ARIH2: variants seen among roughly 807,000 people sequenced by gnomAD.
ARIH2 encodes the protein E3 ubiquitin-protein ligase ARIH2.
Under a neutral mutation model 79.8 loss-of-function variants are expected in ARIH2, and 12 were observed. That is an observed-to-expected ratio of 0.15 (90% CI 0.10 to 0.24). The LOEUF is 0.24. Ranked by LOEUF, ARIH2 falls within the 10% of genes least tolerant of loss-of-function variation. The pLI is 1.00. For synonymous variants in ARIH2, 224 were observed against 213.9 expected, an observed-to-expected ratio of 1.05 and a Z score of -0.41; for missense variants, 301 against 618.3, an observed-to-expected ratio of 0.49 and a Z score of 5.44.
chr3:48,952,351 T>C (rs920445886), intron 3 of ARIH2, among the ~76,000 whole-genome samples: 2 of 152,190 alleles, frequency 1.3e-5, no homozygotes, highest in Admixed American at 6.6e-5. Context: ...GACTCTCTTC[T>C]ACTAAGGCAT....
intron 13 of ARIH2, among the ~76,000 whole-genome samples, chr3:48,980,858 T>C (rs2092718756): frequency 6.8e-6 from 1 of 146,320 alleles, no homozygotes; most frequent in African/African-American, 2.5e-5. Flanking sequence ...CTGTCTCTAA[T>C]AAAAATACAA....
intron 3 of ARIH2, among the ~76,000 whole-genome samples, chr3:48,941,505 G>A (rs1022910284): frequency 3.9e-5 from 6 of 152,070 alleles, no homozygotes; most frequent in Non-Finnish European, 5.9e-5. Context: ...GGTGGTGGTA[G>A]TGGTAAAAAG....
chr3:48,933,217 G>T (rs2086614121), intron 3 of ARIH2, among the ~76,000 whole-genome samples: 1 of 147,816 alleles, frequency 6.8e-6, no homozygotes. Flanking sequence ...GGGACCACAG[G>T]TGCGCACCAC....
At chr3:48,962,118 TG>T (rs2091333000) in intron 4 of ARIH2, among the ~76,000 whole-genome samples, 1 of 152,178 alleles carries the variant, frequency 6.6e-6, no homozygotes, top group South Asian at 2.1e-4. Flanking sequence ...GGCTCATGCC[TG>T]TAATCTCAGC....
At chr3:48,937,014 C>A (rs1361015862) in intron 3 of ARIH2, among the ~76,000 whole-genome samples, 1 of 151,704 alleles carries the variant, frequency 6.6e-6, no homozygotes, top group African/African-American at 2.4e-5. Context: ...GGCAACACAG[C>A]GAGACTCCGT....
Position 48,919,015 on chromosome 3 carries a change from C to A in ARIH2, c.-162+17C>A. On this transcript the variant is annotated intron_variant, in intron 1 of 15. Coordinates refer to ENST00000356401, the MANE Select transcript of ARIH2 (RefSeq NM_006321.4). ...CAGCTCCCGGTAAGTGCGCGGCGCA[C>A]GTCACGGCCTTGTTTACCTTGGCTG... 1.4e-6 allele frequency: 2 copies of A among 1,428,216 alleles called. No homozygotes were observed. The highest frequency in any genetic ancestry group is 2.6e-5 in the East Asian group (1 of 38,782). 88.5% of individuals were successfully genotyped at this position (1,428,216 alleles called of 1,614,324 possible).
Position 48,980,409 on chromosome 3 carries a change from C to A in ARIH2, c.1170C>A (p.His390Gln), listed in dbSNP as rs751218573. 1 of 1,614,084 alleles carries A rather than the reference C, an allele frequency of 6.2e-7. No individual in the cohort carries two copies. Among genetic ancestry groups the A allele is most frequent in the Non-Finnish European group, 8.5e-7 (1 of 1,180,020 alleles). Reference protein sequence around the residue: ...QLEAQTYQRIHEKIQERVMNN... With the variant: ...QLEAQTYQRIQEKIQERVMNN... ...AGGCACAGACATACCAGCGGATTCA[C>A]GAGAAGATTCAGGAGAGGGTCATGA... Residue 390 changes from histidine to glutamine, a missense_variant, in exon 13 of 16, where the codon CAC becomes CAA. By Grantham distance (24) the His-to-Gln change is conservative. Around this residue, in one of 2 missense-constraint regions of ARIH2, gnomAD observed 78 missense variants for 268.9 expected, o/e 0.29. Transcript: ENST00000356401.
At chr3:48,933,904 A>G (rs947562930) in intron 3 of ARIH2, among the ~76,000 whole-genome samples, 9 of 152,168 alleles carry the variant, frequency 5.9e-5, no homozygotes, top group Non-Finnish European at 1.0e-4. Context: ...AAATATGCCA[A>G]TTATCACAAA....
intron 7 of ARIH2, among the ~76,000 whole-genome samples, chr3:48,969,970 A>T (rs1417819485): frequency 6.7e-6 from 1 of 149,874 alleles, no homozygotes; most frequent in Non-Finnish European, 1.5e-5. Flanking sequence ...AGCTCAATGC[A>T]ACCTCTATCT....
At chr3:48,964,793 G>A (rs2091613356) in intron 4 of ARIH2, 126 bp from the exon 5 acceptor site, 1 of 657,248 alleles carries the variant, frequency 1.5e-6, no homozygotes, top group Non-Finnish European at 2.6e-6. Context: ...GAGATAAAAG[G>A]AAGCTTAGTT....
chr3:48,925,418 C>CT (rs34604342), intron 2 of ARIH2, among the ~76,000 whole-genome samples: 47 of 145,408 alleles, frequency 3.2e-4, no homozygotes, highest in African/African-American at 6.1e-4. Context: ...CAGCTGATTT[C>CT]TTTTTTTTTT....
intron 1 of ARIH2, 98 bp downstream of exon 1, chr3:48,919,096 GCCGTCGCCCGGGAGGCCCGGGCGCTCC>G (rs542334811): frequency 2.8e-5 from 36 of 1,274,004 alleles, no homozygotes; most frequent in Non-Finnish European, 3.5e-5. Context: ...CTCCGCCTTC[GCCGTCGCCCGGGAGGCCCGGGCGCTCC>G]CCGTCGCCGG....
intron 3 of ARIH2, among the ~76,000 whole-genome samples, chr3:48,940,553 G>A (rs2087960324): frequency 1.3e-5 from 2 of 151,808 alleles, no homozygotes; most frequent in South Asian, 4.2e-4. Flanking sequence ...AGAGGAACAT[G>A]GATTGTGAAG....
At chr3:48,940,794 C>CA (rs761364123) in intron 3 of ARIH2, among the ~76,000 whole-genome samples, 2,783 of 68,344 alleles carry the variant, frequency 0.041, 75 homozygotes, top group Middle Eastern at 0.098. Flanking sequence ...GACTCCGTCT[C>CA]AAAAAAAAAA....
rs1203913576 is a variant in ARIH2, at chr3:48,969,239, A to T, written c.660+584A>T. 6.3e-4 allele frequency among the ~76,000 whole-genome samples: 90 copies of T among 143,766 alleles called. 2 individuals carry two copies. Among genetic ancestry groups the T allele is most frequent in the Non-Finnish European group, 2.3e-4 (15 of 66,268 alleles). 94.3% of individuals were successfully genotyped at this position (143,766 alleles called of 152,430 possible). ...TTCTCTTCCATAGACAGACCTCCCC[A>T]CCTTATACATAGTTGCTTAAAGAAG... On this transcript the variant is annotated intron_variant, in intron 7 of 15. Coordinates refer to ENST00000356401, the MANE Select transcript of ARIH2 (RefSeq NM_006321.4).
At chr3:48,960,456 T>TA (rs56946572) in intron 3 of ARIH2, among the ~76,000 whole-genome samples, 1,430 of 136,278 alleles carry the variant, frequency 0.01, 5 homozygotes, top group South Asian at 0.025. Context: ...GCTCATTATT[T>TA]AAAAAAAAAA....
intron 6 of ARIH2, 142 bp from the exon 7 acceptor site, chr3:48,968,392 A>G (rs1245771060): frequency 2.9e-6 from 2 of 678,820 alleles, no homozygotes; most frequent in Non-Finnish European, 4.8e-6. Flanking sequence ...TGTTTTTAGT[A>G]GAGACTGGGT....
rs2092828754 is a variant in ARIH2, at chr3:48,983,733, A to G, written c.*463A>G. On this transcript the variant is annotated 3_prime_UTR_variant, in exon 16 of 16. Transcript: ENST00000356401. Reference sequence around the variant, plus strand: ...ACATATGCTGCCTACCCACCTCAAAATGTCTGTACTGCAAGAGGGCCCTGG... The same window carrying G: ...ACATATGCTGCCTACCCACCTCAAAGTGTCTGTACTGCAAGAGGGCCCTGG... The G allele has an allele frequency of 1.2e-5, 2 of 162,826 alleles. No individual in the cohort carries two copies. Among genetic ancestry groups the G allele is most frequent in the African/African-American group, 4.8e-5 (2 of 41,498 alleles). 10.1% of individuals were successfully genotyped at this position (162,826 alleles called of 1,614,324 possible).
At position 48,982,890 on chromosome 3, in the gene ARIH2, A is replaced by G. The variant is rs548474571; in HGVS notation, c.1327-6A>G. On this transcript the variant is annotated splice_region_variant and splice_polypyrimidine_tract_variant and intron_variant, in intron 14 of 15. Coordinates refer to ENST00000356401, the MANE Select transcript of ARIH2 (RefSeq NM_006321.4). ...ACCTTTTGACCCTCCTGCTCTGCCT[A>G]TACAGTTTGAATACCAGCAGGCTCA... 2.7e-5 allele frequency: 44 copies of G among 1,613,760 alleles called. No homozygotes were observed. In the South Asian group the frequency reaches 3.3e-4, roughly 12 times the overall value.
Sources: gnomAD v4.1 joint callset for allele counts (sites outside exome capture counted in the v4.1 genomes callset) on GRCh38, gnomAD v4.1.1 for gene constraint, gnomAD v4.1.1 regional missense constraint, MANE v1.5 for transcripts, NCBI Gene and HGNC (gene_info 2026-07-23, HGNC 2026-07-21) for gene names.